The following ARHGEF10L variants were observed in gnomAD, a reference collection of about 807,000 sequenced individuals.
ARHGEF10L encodes the protein Rho guanine nucleotide exchange factor 10 like.
Under a neutral mutation model 141.2 loss-of-function variants are expected in ARHGEF10L, and 69 were observed. That is an observed-to-expected ratio of 0.49 (90% confidence interval 0.40 to 0.60). The LOEUF (loss-of-function observed/expected upper bound fraction) is 0.60. Ranked by LOEUF, ARHGEF10L falls within the 20% of genes least tolerant of loss-of-function variation. The probability of loss-of-function intolerance (pLI) is 0.00; values close to 1 mark genes in which losing one functional copy is unlikely to be tolerated. For missense variants in ARHGEF10L, 1,482 were observed against 1,734.3 expected (o/e 0.85, Z 2.58); for synonymous variants, 711 against 718.5 (o/e 0.99, Z 0.17).
rs75501537 is a variant in ARHGEF10L, at chr1:17,662,216, G to C, written c.2861-2231G>C. 2.9e-3 allele frequency among the ~76,000 whole-genome samples: 436 copies of C among 152,324 alleles called. 13 individuals carry two copies. The East Asian group carries it at 0.071, about 25-fold the overall frequency. On this transcript the variant is annotated intron_variant, in intron 25 of 28. Transcript: ENST00000361221. Reference sequence around the variant, plus strand: ...AGTATCTACCACACATGCTTGTTGGGAGTTAAGGAAATAATTCAAGGAAGG... The same window carrying C: ...AGTATCTACCACACATGCTTGTTGGCAGTTAAGGAAATAATTCAAGGAAGG...
At chr1:17,581,837 G>A (rs2078597420) in intron 2 of ARHGEF10L, among the ~76,000 whole-genome samples, 1 of 145,774 alleles carries the variant, frequency 6.9e-6, no homozygotes, top group Non-Finnish European at 1.5e-5. Flanking sequence ...CCCTGGGAGA[G>A]CCAAATGATG....
chr1:17,638,791 A>G (rs1436418300), intron 20 of ARHGEF10L, 102 bp downstream of exon 20: 1 of 1,530,840 alleles, frequency 6.5e-7, no homozygotes, highest in Non-Finnish European at 8.8e-7. Context: ...ATTTGTCGAG[A>G]TGCCATGGTG....
At chr1:17,561,219 A>G (rs1309080517) in intron 1 of ARHGEF10L, among the ~76,000 whole-genome samples, 1 of 152,184 alleles carries the variant, frequency 6.6e-6, no homozygotes, top group Non-Finnish European at 1.5e-5. Flanking sequence ...GTCTGAGAGC[A>G]ACCAGTGGGC....
chr1:17,567,227 C>T (rs887072437), intron 1 of ARHGEF10L, among the ~76,000 whole-genome samples: 5 of 152,206 alleles, frequency 3.3e-5, no homozygotes, highest in African/African-American at 9.6e-5. Context: ...CTGCAAGAAG[C>T]GAGCCCTTGA....
At chr1:17,696,734 A>T in intron 28 of ARHGEF10L, 114 bp from the exon 29 acceptor site, 1 of 1,131,418 alleles carries the variant, frequency 8.8e-7, no homozygotes, top group Non-Finnish European at 1.2e-6. Flanking sequence ...CAACATAGAC[A>T]GAAGTGACCC....
intron 4 of ARHGEF10L, among the ~76,000 whole-genome samples, chr1:17,591,042 AC>A (rs2100721044): frequency 6.6e-6 from 1 of 151,864 alleles, no homozygotes; most frequent in Non-Finnish European, 1.5e-5. Context: ...CCACCCCTCT[AC>A]CCCCAAATGA....
rs57719075 is a variant in ARHGEF10L, at chr1:17,588,849, A to AGTGTGTGTGTGTGTGTGTGT, written c.257+401_257+420dup. On this transcript the variant is annotated intron_variant, in intron 4 of 28. Transcript: ENST00000361221. Reference sequence around the variant, plus strand: ...AGAAGCAAACAGCTGGAGGGTCCCCAGTGTGTGTGTGTGTGTGTGTGTGTG... The same window carrying AGTGTGTGTGTGTGTGTGTGT: ...AGAAGCAAACAGCTGGAGGGTCCCCAGTGTGTGTGTGTGTGTGTGTGTGTGTGTGTGTGTGTGTGTGTGTG... Among the ~76,000 whole-genome samples the AGTGTGTGTGTGTGTGTGTGT allele has an allele frequency of 1.5e-3, 31 of 20,434 alleles. 4 individuals are homozygous for AGTGTGTGTGTGTGTGTGTGT. Among genetic ancestry groups the AGTGTGTGTGTGTGTGTGTGT allele is most frequent in the African/African-American group, 3.3e-3 (17 of 5,140 alleles). 13.4% of individuals were successfully genotyped at this position (20,434 alleles called of 152,430 possible).
chr1:17,697,432 G>A lies in ARHGEF10L; in HGVS notation c.*52G>A, dbSNP rs572775001. The stretch of plus-strand genomic sequence containing the variant: ...CAGCTGCAGGCCTGACCAAGGCCAC[G>A]CCCGGCTCTCGTGCTCTAGGACCTG... On this transcript the variant is annotated 3_prime_UTR_variant, in exon 29 of 29. Transcript: ENST00000361221. This position sits in a 1 kb window ranked among gnomAD's most constrained non-coding sequence, Gnocchi z 4.8. 427 of 1,532,780 alleles carry A rather than the reference G, an allele frequency of 2.8e-4. 1 individual carries two copies. The highest frequency in any genetic ancestry group is 6.6e-4 in the Admixed American group (33 of 50,322). 94.9% of individuals were successfully genotyped at this position (1,532,780 alleles called of 1,614,324 possible).
chr1:17,571,998 G>A (rs939528480), intron 1 of ARHGEF10L, among the ~76,000 whole-genome samples: 2 of 152,204 alleles, frequency 1.3e-5, no homozygotes, highest in Non-Finnish European at 2.9e-5. Flanking sequence ...GTTTGGGGGG[G>A]CTCCTCCAGT....
Position 17,673,180 on chromosome 1 carries a change from A to G in ARHGEF10L, c.3009+8585A>G, listed in dbSNP as rs953069437. 2.6e-5 allele frequency among the ~76,000 whole-genome samples: 4 copies of G among 152,180 alleles called. No homozygotes were observed. The highest frequency in any genetic ancestry group is 4.4e-5 in the Non-Finnish European group (3 of 68,010). ...TGAACAGACATCGTGGAGAGGACAT[A>G]TGGGACGGGAGGTGAGGAAGGGGAG... On this transcript the variant is annotated intron_variant, in intron 26 of 28. Coordinates refer to ENST00000361221, the MANE Select transcript of ARHGEF10L (RefSeq NM_018125.4). The surrounding 1 kb of genome is among the most constrained non-coding windows in gnomAD (Gnocchi z 4.1).
Position 17,654,620 on chromosome 1 carries a change from G to T in ARHGEF10L, c.2395-16G>T, listed in dbSNP as rs374886257. 8.1e-6 allele frequency: 13 copies of T among 1,612,342 alleles called. No homozygotes were observed. Among genetic ancestry groups the T allele is most frequent in the Non-Finnish European group, 1.1e-5 (13 of 1,178,518 alleles). ...CTTGATGATTAACCTCACATGTACC[G>T]TCTCTGTCTCTGCAGCTTGGGGCCC... is the stretch of plus-strand genomic sequence containing the variant. On this transcript the variant is annotated splice_polypyrimidine_tract_variant and intron_variant, in intron 22 of 28. Coordinates refer to ENST00000361221, the MANE Select transcript of ARHGEF10L (RefSeq NM_018125.4). The surrounding 1 kb of genome is among the most constrained non-coding windows in gnomAD (Gnocchi z 4.3).
At position 17,638,703 on chromosome 1, in the gene ARHGEF10L, G is replaced by A. The variant is rs772169941; in HGVS notation, c.2171+14G>A. On this transcript the variant is annotated intron_variant, in intron 20 of 28. Transcript: ENST00000361221. ...GAAACCCGACAAGTGAGAGGAGGGG[G>A]TCTTGGAGGGAGGGCTGCTGCCTCT... 2 of 1,613,580 alleles carry A rather than the reference G, an allele frequency of 1.2e-6. No homozygotes were observed. The highest frequency in any genetic ancestry group is 1.7e-6 in the Non-Finnish European group (2 of 1,179,944).
intron 26 of ARHGEF10L, among the ~76,000 whole-genome samples, chr1:17,675,437 G>A (rs1231168852): frequency 2.0e-5 from 3 of 151,840 alleles, no homozygotes; most frequent in Non-Finnish European, 2.9e-5. Flanking sequence ...ATGGGTGCAG[G>A]TGTGGGTGTA....
chr1:17,553,735 G>A (rs1326430652), intron 1 of ARHGEF10L, among the ~76,000 whole-genome samples: 1 of 152,230 alleles, frequency 6.6e-6, no homozygotes, highest in Non-Finnish European at 1.5e-5. Flanking sequence ...GCTGCAGTGA[G>A]CTATGATGGC....
chr1:17,692,933 G>A (rs2065212715), intron 27 of ARHGEF10L, among the ~76,000 whole-genome samples: 1 of 152,138 alleles, frequency 6.6e-6, no homozygotes, highest in South Asian at 2.1e-4. Context: ...TCAGGTCTTG[G>A]TGTGGCCACC....
intron 26 of ARHGEF10L, among the ~76,000 whole-genome samples, chr1:17,684,060 C>A (rs1229543585): frequency 6.6e-6 from 1 of 152,198 alleles, no homozygotes; most frequent in Non-Finnish European, 1.5e-5. Context: ...TTTGGAAAAG[C>A]CTGCAGACAA....
chr1:17,582,506 G>A (rs1281934079), intron 2 of ARHGEF10L, among the ~76,000 whole-genome samples: 3 of 152,276 alleles, frequency 2.0e-5, no homozygotes, highest in East Asian at 1.9e-4. Flanking sequence ...GATTCCCCAC[G>A]CACCTTGTCA....
At chr1:17,525,205 CG>C in the ARHGEF10L span, among the ~76,000 whole-genome samples, 1 of 152,162 alleles carries the variant, frequency 6.6e-6, no homozygotes, top group Non-Finnish European at 1.5e-5. Flanking sequence ...AGGGAGCCAG[CG>C]GGGTTAAGTA....
intron 1 of ARHGEF10L, among the ~76,000 whole-genome samples, chr1:17,552,025 G>C (rs972654597): frequency 6.6e-6 from 1 of 152,194 alleles, no homozygotes; most frequent in Admixed American, 6.5e-5. Context: ...CCAGGGCTGG[G>C]GCTTTCCCAG....
Sources: allele counts gnomAD v4.1 joint callset (sites outside exome capture counted in the v4.1 genomes callset), GRCh38; gene constraint gnomAD v4.1.1; non-coding constraint Gnocchi (gnomAD v3.1); transcripts MANE v1.5; gene names NCBI Gene and HGNC (gene_info 2026-07-23, HGNC 2026-07-21).